Variants in TYR observed in about 807,000 individuals in gnomAD.
TYR encodes LB24-AB.
Under a neutral mutation model 51.5 loss-of-function variants are expected in TYR, and 58 were observed. That is an observed-to-expected ratio of 1.13 (90% CI 0.91 to 1.40). The LOEUF is 1.40. Among genes scored for constraint, TYR ranks in the 40% most tolerant of loss-of-function variants. The pLI is 0.00. For missense variants in TYR, 732 were observed against 647.4 expected, an observed-to-expected ratio of 1.13 and a Z score of -1.42; for synonymous variants, 263 against 235.2, an observed-to-expected ratio of 1.12 and a Z score of -1.08.
At chr11:89,230,349 C>T (rs1452481795) in intron 3 of TYR, among the ~76,000 whole-genome samples, 1 of 151,944 alleles carries the variant, frequency 6.6e-6, no homozygotes, top group Non-Finnish European at 1.5e-5. Context: ...GAAATTGGAC[C>T]CATATCTAAC....
chr11:89,216,275 T>C (rs923331820), intron 2 of TYR, among the ~76,000 whole-genome samples: 1 of 152,170 alleles, frequency 6.6e-6, no homozygotes, highest in African/African-American at 2.4e-5. Flanking sequence ...ATGACTTGTA[T>C]GTATACTAAA....
At chr11:89,249,183 T>C (rs1488393821) in intron 3 of TYR, among the ~76,000 whole-genome samples, 2 of 152,100 alleles carry the variant, frequency 1.3e-5, no homozygotes, top group African/African-American at 2.4e-5. Flanking sequence ...CCAGGTTAGA[T>C]ACATGTATTT....
intron 1 of TYR, 107 bp from the exon 2 acceptor site, chr11:89,191,092 TCTC>T (rs1309009438): frequency 1.1e-6 from 1 of 917,246 alleles, no homozygotes; most frequent in Non-Finnish European, 1.8e-6. Flanking sequence ...ATTGTAGTAA[TCTC>T]CTCAGGAGAA....
chr11:89,287,116 G>A (rs1944798125), intron 4 of TYR, among the ~76,000 whole-genome samples: 1 of 151,688 alleles, frequency 6.6e-6, no homozygotes, highest in Admixed American at 6.6e-5. Context: ...TTCTTTCTGT[G>A]TATGAATCTG....
intron 1 of TYR, among the ~76,000 whole-genome samples, chr11:89,189,935 A>G (rs1021957439): frequency 1.3e-5 from 2 of 152,198 alleles, no homozygotes; most frequent in Admixed American, 1.3e-4. Context: ...CCACACTACT[A>G]TAATGGAGCT....
intron 2 of TYR, among the ~76,000 whole-genome samples, chr11:89,217,424 G>A (rs1943845894): frequency 6.6e-6 from 1 of 152,118 alleles, no homozygotes; most frequent in African/African-American, 2.4e-5. Context: ...CTTATCTGAT[G>A]TATCTTCTCC....
intron 3 of TYR, among the ~76,000 whole-genome samples, chr11:89,244,881 A>G (rs1393997529): frequency 2.0e-5 from 3 of 152,230 alleles, no homozygotes; most frequent in Non-Finnish European, 4.4e-5. Context: ...TCGAGGGCAG[A>G]TATGTCAACA....
At chr11:89,220,102 G>A (rs1226240274) in intron 2 of TYR, among the ~76,000 whole-genome samples, 1 of 151,952 alleles carries the variant, frequency 6.6e-6, no homozygotes, top group Non-Finnish European at 1.5e-5. Flanking sequence ...CTTGTGGTAG[G>A]CCGTTCTCAC....
intron 2 of TYR, 81 bp from the exon 3 acceptor site, chr11:89,227,742 G>C (rs1943994524): frequency 8.1e-7 from 1 of 1,237,540 alleles, no homozygotes; most frequent in Non-Finnish European, 1.2e-6. Context: ...TCAAGTTATA[G>C]TTATAAATCA....
At chr11:89,290,478 C>T (rs1375314838) in intron 4 of TYR, among the ~76,000 whole-genome samples, 3 of 151,888 alleles carry the variant, frequency 2.0e-5, no homozygotes, top group African/African-American at 7.3e-5. Flanking sequence ...TGTATCCTGC[C>T]TTTTTTTGGA....
chr11:89,249,347 G>T (rs1396562655), intron 3 of TYR, among the ~76,000 whole-genome samples: 1 of 151,520 alleles, frequency 6.6e-6, no homozygotes, highest in African/African-American at 2.4e-5. Context: ...AAGCAGTCTG[G>T]CATACCCCAT....
intron 3 of TYR, among the ~76,000 whole-genome samples, chr11:89,276,841 C>A (rs1479529677): frequency 6.6e-6 from 1 of 151,786 alleles, no homozygotes; most frequent in Non-Finnish European, 1.5e-5. Flanking sequence ...AGGGTACTTA[C>A]TATTATTAGT....
intron 3 of TYR, among the ~76,000 whole-genome samples, chr11:89,240,151 T>G (rs1230353301): frequency 6.6e-6 from 1 of 152,132 alleles, no homozygotes; most frequent in Non-Finnish European, 1.5e-5. Flanking sequence ...GCTTAATACC[T>G]GGTTGATGGG....
chr11:89,229,576 A>C (rs1474374056), intron 3 of TYR, among the ~76,000 whole-genome samples: 1 of 151,988 alleles, frequency 6.6e-6, no homozygotes, highest in Admixed American at 6.6e-5. Context: ...AAAGAAAAAG[A>C]AAAACTATCA....
At chr11:89,180,526 G>A (rs1943287364) in intron 1 of TYR, among the ~76,000 whole-genome samples, 1 of 151,122 alleles carries the variant, frequency 6.6e-6, no homozygotes, top group Admixed American at 6.6e-5. Flanking sequence ...CTCTCTTCAT[G>A]AATGTGTTCA....
chr11:89,240,994 A>T (rs981765145), intron 3 of TYR, among the ~76,000 whole-genome samples: 2 of 152,160 alleles, frequency 1.3e-5, no homozygotes, highest in African/African-American at 4.8e-5. Context: ...AAGGTTGAAG[A>T]CTCCAAAAGA....
intron 2 of TYR, among the ~76,000 whole-genome samples, chr11:89,213,212 T>C (rs1943785395): frequency 6.6e-6 from 1 of 152,220 alleles, no homozygotes; most frequent in Admixed American, 6.5e-5. Flanking sequence ...CAAAATCTCC[T>C]TAAGCTGATA....
chr11:89,193,688 A>G (rs1353507740), intron 2 of TYR, among the ~76,000 whole-genome samples: 2 of 152,170 alleles, frequency 1.3e-5, no homozygotes, highest in Non-Finnish European at 2.9e-5. Context: ...AGAAAATGTG[A>G]GAAACCATTA....
Position 89,178,478 on chromosome 11 carries a change from C to G in TYR, c.525C>G (p.Leu175=), listed in dbSNP as rs751621384. 45 of 1,614,164 alleles carry G rather than the reference C, an allele frequency of 2.8e-5. No homozygotes were observed. Among genetic ancestry groups the G allele is most frequent in the Admixed American group, 1.3e-4 (8 of 60,020 alleles). The change falls in exon 1 of 5, where the codon CTC becomes CTG. Residue 175 remains leucine, a synonymous_variant. Transcript: ENST00000263321. ...TTAACGACATCAATATTTATGACCT[C>G]TTTGTCTGGATGCATTATTATGTGT... ...PMFNDINIYD[L]FVWMHYYVSM...
Sources: allele counts gnomAD v4.1 joint callset (sites outside exome capture counted in the v4.1 genomes callset), GRCh38; gene constraint gnomAD v4.1.1; transcripts MANE v1.5; gene names NCBI Gene and HGNC (gene_info 2026-07-23, HGNC 2026-07-21).